The following SYTL5 variants were observed in gnomAD, a reference collection of about 807,000 sequenced individuals.
SYTL5 encodes synaptotagmin like 5.
In SYTL5, 34 loss-of-function variants were observed where a neutral mutation model predicts 55.9. That is an observed-to-expected ratio of 0.61 (90% CI 0.46 to 0.81). The LOEUF is 0.81. SYTL5 is among the 30% of genes least tolerant of loss of function. The pLI is 0.00. For synonymous variants in SYTL5, 221 were observed against 188.7 expected, an observed-to-expected ratio of 1.17 and a Z score of -1.40; for missense variants, 637 against 546.7, an observed-to-expected ratio of 1.17 and a Z score of -1.65.
chrX:37,974,806 A>G, the SYTL5 span, among the ~76,000 whole-genome samples: 1 of 112,574 alleles, frequency 8.9e-6, no homozygotes, highest in South Asian at 3.7e-4. Flanking sequence ...GTAAAAGAAT[A>G]GGCAACTCTT....
Position 38,073,669 on chromosome X carries a change from G to C in SYTL5, c.525G>C (p.Lys175Asn). The C allele has an allele frequency of 8.3e-7, 1 of 1,198,128 alleles. No individual in the cohort carries two copies. Among genetic ancestry groups the C allele is most frequent in the Admixed American group, 2.3e-5 (1 of 44,322 alleles). Reference sequence around the variant, plus strand: ...ACACTTCACCTGTTGCTGGGAAGAAGGCCAGCCATGATGGGCCCAAGAGAA... The same window carrying C: ...ACACTTCACCTGTTGCTGGGAAGAACGCCAGCCATGATGGGCCCAAGAGAA... ...KSDTSPVAGK[K>N]ASHDGPKRKG... The change falls in exon 5 of 17, where the codon AAG becomes AAC. Residue 175 changes from lysine to asparagine, a missense_variant. Lys to Asn is a moderately conservative substitution (Grantham distance 94). Coordinates refer to ENST00000297875, the MANE Select transcript of SYTL5 (RefSeq NM_138780.3).
At chrX:38,060,137 T>C (rs1935903500) in intron 3 of SYTL5, among the ~76,000 whole-genome samples, 1 of 111,670 alleles carries the variant, frequency 9.0e-6, no homozygotes, top group Non-Finnish European at 1.9e-5. Flanking sequence ...TACTGAGGTA[T>C]ACTTTTCAAT....
At chrX:38,042,451 G>A (rs1935314050) in intron 2 of SYTL5, among the ~76,000 whole-genome samples, 1 of 111,501 alleles carries the variant, frequency 9.0e-6, no homozygotes, top group Admixed American at 9.6e-5. Flanking sequence ...CAAGGTTATG[G>A]AGATCCAACT....
chrX:38,038,328 C>T (rs753277066), intron 2 of SYTL5, among the ~76,000 whole-genome samples: 2 of 111,677 alleles, frequency 1.8e-5, no homozygotes, highest in South Asian at 3.8e-4. Flanking sequence ...TCTGTACCCC[C>T]GCTTCTGTTG....
the SYTL5 span, among the ~76,000 whole-genome samples, chrX:37,962,217 T>C: frequency 9.1e-6 from 1 of 110,474 alleles, no homozygotes; most frequent in African/African-American, 3.3e-5. Context: ...ATGCTATCCC[T>C]CCCCGCTCCC....
intron 10 of SYTL5, among the ~76,000 whole-genome samples, chrX:38,104,320 C>T (rs967636159): frequency 1.4e-4 from 16 of 111,691 alleles, no homozygotes; most frequent in African/African-American, 5.2e-4. Flanking sequence ...TACACAGTTT[C>T]GGAACTGCAG....
chrX:37,914,524 C>A, the SYTL5 span, among the ~76,000 whole-genome samples: 1 of 111,245 alleles, frequency 9.0e-6, no homozygotes, highest in Admixed American at 9.6e-5. Context: ...TCTTAGGAAT[C>A]ATACACACAT....
intron 10 of SYTL5, among the ~76,000 whole-genome samples, chrX:38,103,701 G>T (rs1319118006): frequency 2.7e-5 from 3 of 110,674 alleles, no homozygotes; most frequent in Non-Finnish European, 5.7e-5. Flanking sequence ...TGAAACCTTT[G>T]ATACTCAAAG....
rs1569169785 is a variant in SYTL5 at position 38,054,201 on chromosome X, C to T, written c.120-12C>T. 8.4e-7 allele frequency: 1 copy of T among 1,188,828 alleles called. No individual in the cohort carries two copies. The highest frequency in any genetic ancestry group is 1.1e-6 in the Non-Finnish European group (1 of 879,341). ...GTTTTTTTAAGTGATTTTTTTTCCC[C>T]TCTTCTTTCAGGAAGCTGAAAAATG... On this transcript the variant is annotated splice_polypyrimidine_tract_variant and intron_variant, in intron 2 of 16. Transcript: ENST00000297875.
chrX:38,083,348 T>A (rs749903248), intron 6 of SYTL5, among the ~76,000 whole-genome samples: 8 of 111,583 alleles, frequency 7.2e-5, no homozygotes, highest in African/African-American at 2.6e-4. Context: ...TTAGAGGGAG[T>A]CTTCTTAAAG....
At chrX:38,033,024 C>T (rs1396682405) in intron 1 of SYTL5, among the ~76,000 whole-genome samples, 2 of 112,285 alleles carry the variant, frequency 1.8e-5, no homozygotes, top group African/African-American at 6.5e-5. Context: ...CACACCCAGC[C>T]TGTAACTTAA....
intron 3 of SYTL5, among the ~76,000 whole-genome samples, chrX:38,056,934 T>A (rs1186888093): frequency 8.9e-6 from 1 of 111,797 alleles, no homozygotes; most frequent in Non-Finnish European, 1.9e-5. Flanking sequence ...CTGCAAGTTG[T>A]CTCTTCACTT....
intron 1 of SYTL5, among the ~76,000 whole-genome samples, chrX:38,019,668 C>T (rs1021019251): frequency 9.0e-6 from 1 of 111,348 alleles, no homozygotes; most frequent in South Asian, 3.8e-4. Flanking sequence ...CTCACTCTGT[C>T]GCCCAGGCTG....
Position 38,094,387 on chromosome X carries a change from A to G in SYTL5, c.924A>G (p.Thr308=), listed in dbSNP as rs775763352. 3.6e-5 allele frequency: 43 copies of G among 1,204,255 alleles called. No homozygotes were observed. Among genetic ancestry groups the G allele is most frequent in the Non-Finnish European group, 4.7e-5 (42 of 891,524 alleles). ...TKSHRRNTSG[T]PSIAVSGTSL... The stretch of plus-strand genomic sequence containing the variant: ...GTCACCGCAGAAACACTTCTGGCAC[A>G]CCTTCCATAGCAGTGTCTGGAACCT... The change falls in exon 8 of 17, where the codon ACA becomes ACG. Residue 308 remains threonine, a synonymous_variant. Coordinates refer to ENST00000297875, the MANE Select transcript of SYTL5 (RefSeq NM_138780.3).
intron 2 of SYTL5, among the ~76,000 whole-genome samples, chrX:38,039,830 A>G (rs1052678866): frequency 8.9e-6 from 1 of 112,024 alleles, no homozygotes; most frequent in Non-Finnish European, 1.9e-5. Flanking sequence ...CAGCTCTAGC[A>G]GTGAATTTTT....
the SYTL5 span, among the ~76,000 whole-genome samples, chrX:37,990,278 T>A: frequency 4.4e-4 from 49 of 111,820 alleles, no homozygotes; most frequent in East Asian, 0.012. Context: ...AAGAAAAAGA[T>A]GTTATGACTG....
chrX:38,042,030 T>G (rs1935301302), intron 2 of SYTL5, among the ~76,000 whole-genome samples: 1 of 111,007 alleles, frequency 9.0e-6, no homozygotes, highest in Admixed American at 9.7e-5. Context: ...GGGTTTGAAA[T>G]AATAGATCAC....
In SYTL5 at chrX:38,032,684, A is replaced by C. The variant is rs576776650; in HGVS notation, c.-356-850A>C. Reference sequence around the variant, plus strand: ...TGCAAGTTATATACTTCACATATATATGTATATATGTATATGCTATCATTT... The same window carrying C: ...TGCAAGTTATATACTTCACATATATCTGTATATATGTATATGCTATCATTT... On this transcript the variant is annotated intron_variant, in intron 1 of 16. Transcript: ENST00000297875. 2.7e-5 allele frequency among the ~76,000 whole-genome samples: 3 copies of C among 111,150 alleles called. No individual in the cohort carries two copies. In the South Asian group the frequency reaches 1.1e-3, roughly 42 times the overall value.
At chrX:37,949,827 G>A in the SYTL5 span, among the ~76,000 whole-genome samples, 3 of 111,801 alleles carry the variant, frequency 2.7e-5, no homozygotes, top group Non-Finnish European at 5.7e-5. Flanking sequence ...GTAATTATAT[G>A]CTGTTTAACA....
Sources: allele counts gnomAD v4.1 joint callset (sites outside exome capture counted in the v4.1 genomes callset), GRCh38; gene constraint gnomAD v4.1.1; transcripts MANE v1.5; gene names NCBI Gene and HGNC (gene_info 2026-07-23, HGNC 2026-07-21).